The following NRG3 variants were observed in gnomAD, a reference collection of about 807,000 sequenced individuals.
NRG3 encodes pro-neuregulin-3, membrane-bound isoform.
In NRG3, 31 loss-of-function variants were observed where a neutral mutation model predicts 66.9. The ratio of observed to expected loss-of-function variants is 0.46; its 90% CI spans 0.35 to 0.63. The LOEUF is 0.63. Ranked by LOEUF, NRG3 falls within the 20% of genes least tolerant of loss-of-function variation. The probability of loss-of-function intolerance (pLI) is 0.00; values close to 1 mark genes in which losing one functional copy is unlikely to be tolerated. For missense variants in NRG3, 910 were observed against 878.9 expected (o/e 1.04, Z -0.45); for synonymous variants, 393 against 359.4 (o/e 1.09, Z -1.06).
intron 1 of NRG3, among the ~76,000 whole-genome samples, chr10:82,032,082 T>C (rs191764115): frequency 6.6e-6 from 1 of 151,638 alleles, no homozygotes; most frequent in Admixed American, 6.6e-5. Flanking sequence ...ATATTGGTTA[T>C]GGGGTATTTT....
At chr10:82,609,468 T>A (rs1315496540) in intron 2 of NRG3, among the ~76,000 whole-genome samples, 2 of 152,158 alleles carry the variant, frequency 1.3e-5, no homozygotes, top group Non-Finnish European at 2.9e-5. Context: ...ACCTTTTCTA[T>A]TTTACAATTG....
intron 2 of NRG3, among the ~76,000 whole-genome samples, chr10:82,710,218 A>C (rs576343031): frequency 6.6e-6 from 1 of 152,218 alleles, no homozygotes; most frequent in Non-Finnish European, 1.5e-5. Flanking sequence ...TGTGCACACT[A>C]ATCATTGTTT....
chr10:82,060,346 C>T (rs1455479291), intron 1 of NRG3, among the ~76,000 whole-genome samples: 1 of 152,138 alleles, frequency 6.6e-6, no homozygotes. Context: ...AGAAAAAAGA[C>T]TTGCTTAAAC....
chr10:82,166,968 T>C, intron 1 of NRG3: 1 of 444,350 alleles, frequency 2.3e-6, no homozygotes, highest in Non-Finnish European at 4.0e-6. Context: ...AAATCTGCCA[T>C]CTTTCTTATC....
chr10:82,185,516 T>C (rs2073748546), intron 1 of NRG3, among the ~76,000 whole-genome samples: 1 of 152,186 alleles, frequency 6.6e-6, no homozygotes, highest in Non-Finnish European at 1.5e-5. Context: ...CAATTCCAAA[T>C]TGACATCAGT....
At chr10:82,124,121 A>G (rs2068272470) in intron 1 of NRG3, among the ~76,000 whole-genome samples, 1 of 151,974 alleles carries the variant, frequency 6.6e-6, no homozygotes, top group African/African-American at 2.4e-5. Context: ...TTTATCTTTG[A>G]GATTATATTG....
chr10:82,690,972 T>C (rs2054879975), intron 2 of NRG3, among the ~76,000 whole-genome samples: 1 of 152,146 alleles, frequency 6.6e-6, no homozygotes, highest in South Asian at 2.1e-4. Flanking sequence ...CTCTCCTTCC[T>C]CCTCTTTCTC....
intron 1 of NRG3, among the ~76,000 whole-genome samples, chr10:82,205,131 C>A (rs1037733657): frequency 2.6e-5 from 4 of 152,216 alleles, no homozygotes; most frequent in African/African-American, 4.8e-5. Flanking sequence ...CATAGGAGAA[C>A]TTTAGATGGC....
chr10:82,349,552 A>G (rs1351194050), intron 1 of NRG3, among the ~76,000 whole-genome samples: 1 of 151,994 alleles, frequency 6.6e-6, no homozygotes, highest in African/African-American at 2.4e-5. Context: ...GGTGGAGCCT[A>G]CAGAGGCAGG....
chr10:82,398,526 T>TGTGTGTGTGAGAGAGAGA (rs373924370), intron 2 of NRG3, among the ~76,000 whole-genome samples: 1 of 136,586 alleles, frequency 7.3e-6, no homozygotes, highest in South Asian at 2.3e-4. Context: ...TGTGTGTGTG[T>TGTGTGTGTGAGAGAGAGA]GAGAGAGAGA....
intron 2 of NRG3, among the ~76,000 whole-genome samples, chr10:82,523,236 T>C (rs1458836089): frequency 6.6e-6 from 1 of 151,992 alleles, no homozygotes; most frequent in Non-Finnish European, 1.5e-5. Flanking sequence ...TACAAGAGTT[T>C]GTGCAAACAT....
intron 1 of NRG3, among the ~76,000 whole-genome samples, chr10:81,892,295 CATATTCCAAAAATATATATATACAT>C (rs1188529422): frequency 3.4e-4 from 51 of 151,786 alleles, no homozygotes; most frequent in African/African-American, 1.1e-3. Flanking sequence ...TATATATATA[CATATTCCAAAAATATATATATACAT>C]ATTCCAAAAA....
At chr10:81,890,959 G>A (rs1329067769) in intron 1 of NRG3, among the ~76,000 whole-genome samples, 1 of 152,124 alleles carries the variant, frequency 6.6e-6, no homozygotes, top group Non-Finnish European at 1.5e-5. Flanking sequence ...GTTCCCCCTA[G>A]TAGAACTGCC....
chr10:82,808,168 G>A (rs1288220708), intron 3 of NRG3, among the ~76,000 whole-genome samples: 1 of 149,560 alleles, frequency 6.7e-6, no homozygotes, highest in Non-Finnish European at 1.5e-5. Context: ...TCTCATAAAT[G>A]CCCCTCAAAC....
intron 1 of NRG3, among the ~76,000 whole-genome samples, chr10:82,313,793 C>T (rs530311020): frequency 2.0e-4 from 31 of 152,226 alleles, no homozygotes; most frequent in South Asian, 6.2e-4. Flanking sequence ...TCCTCTCTGG[C>T]GATTGAAGGC....
At chr10:82,382,747 A>G (rs1325313410) in intron 2 of NRG3, among the ~76,000 whole-genome samples, 1 of 152,048 alleles carries the variant, frequency 6.6e-6, no homozygotes, top group Non-Finnish European at 1.5e-5. Context: ...TACATAATGC[A>G]TATGTATAAA....
intron 2 of NRG3, among the ~76,000 whole-genome samples, chr10:82,729,920 G>A (rs1267332476): frequency 2.6e-5 from 4 of 151,842 alleles, no homozygotes; most frequent in Non-Finnish European, 5.9e-5. Context: ...TTCCTTTTTT[G>A]TGGCTCAAAT....
intron 2 of NRG3, among the ~76,000 whole-genome samples, chr10:82,476,503 C>G (rs867441034): frequency 6.6e-6 from 1 of 152,128 alleles, no homozygotes; most frequent in Non-Finnish European, 1.5e-5. Flanking sequence ...TATATATACA[C>G]AATGGAATAT....
chr10:82,507,432 G>A (rs1844786509), intron 2 of NRG3, among the ~76,000 whole-genome samples: 1 of 152,226 alleles, frequency 6.6e-6, no homozygotes, highest in Admixed American at 6.5e-5. Context: ...AAGGAAAAGA[G>A]TAATACAAGC....
Sources: allele counts gnomAD v4.1 joint callset (sites outside exome capture counted in the v4.1 genomes callset), GRCh38; gene constraint gnomAD v4.1.1; transcripts MANE v1.5; gene names NCBI Gene and HGNC (gene_info 2026-07-23, HGNC 2026-07-21).